Variants in IAPP observed in about 807,000 individuals in gnomAD.
The protein encoded by IAPP is Islet amyloid polypeptide (diabetes-associated peptide; amylin).
Under a neutral mutation model 2.9 loss-of-function variants are expected in IAPP, and 4 were observed. The ratio of observed to expected loss-of-function variants is 1.39; its 90% CI spans 0.69 to 3.19. The LOEUF is 3.19. Ranked by LOEUF, IAPP falls within the 30% of genes most tolerant of loss-of-function variation. IAPP has a pLI of 0.01. For synonymous variants in IAPP, 40 were observed against 42.1 expected (o/e 0.95, Z 0.19); for missense variants, 114 against 105.3 (o/e 1.08, Z -0.36).
At chr12:21,371,037 G>T (rs1170715193), upstream of IAPP, among the ~76,000 whole-genome samples, 1 of 152,244 alleles carries the variant, frequency 6.6e-6, no homozygotes, top group Non-Finnish European at 1.5e-5. Context: ...CCCATATGCA[G>T]AGAGTAGCAG....
Position 21,355,396 on chromosome 12 carries a change from C to T in IAPP, c.-16+383C>T, listed in dbSNP as rs932877538. 4.6e-5 allele frequency among the ~76,000 whole-genome samples: 7 copies of T among 152,194 alleles called. No homozygotes were observed. The East Asian group carries it at 1.4e-3, about 29-fold the overall frequency. On this transcript the variant is annotated intron_variant, in intron 1 of 2. Coordinates refer to the IAPP transcript ENST00000539393. ...TAAGCTCACAGAAAGGAAAAGAAAT[C>T]TCGAAGTGTGAGGGGGTAGGCAATG...
rs189204856 is a variant in IAPP, at chr12:21,375,045, T to C, written c.80+1614T>C. Among the ~76,000 whole-genome samples, 109 of 152,282 alleles carry C rather than the reference T, an allele frequency of 7.2e-4. 1 individual carries two copies. The highest frequency in any genetic ancestry group is 2.6e-3 in the African/African-American group (108 of 41,566). On this transcript the variant is annotated intron_variant, in intron 2 of 2. Transcript: ENST00000240652. ...GATGCCCAGGCTGGTGTCAAACTCC[T>C]GGGCTCAAGCCTTCCTCCTGCCTCA...
intron 2 of IAPP, among the ~76,000 whole-genome samples, chr12:21,376,663 A>T (rs74065061): frequency 0.021 from 2,810 of 134,718 alleles, 100 homozygotes; most frequent in African/African-American, 0.091. Context: ...AGTAAAATTT[A>T]AAAAAAAAAC....
chr12:21,378,145 G>A, intron 2 of IAPP, 92 bp from the exon 3 acceptor site: 1 of 1,194,824 alleles, frequency 8.4e-7, no homozygotes. Context: ...TGTTTCTTTG[G>A]TTTTCATCAA....
At chr12:21,365,448 A>T (rs1027570347) in intron 1 of IAPP, among the ~76,000 whole-genome samples, 1 of 152,214 alleles carries the variant, frequency 6.6e-6, no homozygotes, top group Non-Finnish European at 1.5e-5. Context: ...AAAACCCTAG[A>T]AGAAAACCTA....
intron 2 of IAPP, chr12:21,374,580 C>G (rs1940049060): frequency 6.6e-6 from 1 of 152,062 alleles, no homozygotes; most frequent in Non-Finnish European, 1.5e-5. Flanking sequence ...CATTTCAAGG[C>G]TTATTTAGTT....
upstream of IAPP, among the ~76,000 whole-genome samples, chr12:21,372,254 C>T (rs1437473636): frequency 6.6e-6 from 1 of 152,122 alleles, no homozygotes; most frequent in Admixed American, 6.6e-5. Flanking sequence ...ACCTATGGAT[C>T]TCTATCTAAG....
chr12:21,362,818 C>G (rs546443192), intron 1 of IAPP, among the ~76,000 whole-genome samples: 22 of 152,214 alleles, frequency 1.4e-4, no homozygotes, highest in Middle Eastern at 6.8e-3. Flanking sequence ...ATAATGGTAA[C>G]AGGATCAATT....
Position 21,373,003 on chromosome 12 carries a change from A to C in IAPP, c.-17A>C, listed in dbSNP as rs1301800362. The C allele has an allele frequency of 3.6e-6, 1 of 277,846 alleles. No individual in the cohort carries two copies. Among genetic ancestry groups the C allele is most frequent in the Non-Finnish European group, 6.8e-6 (1 of 146,820 alleles). The allele number at this position is 277,846 out of a possible 1,614,324, so 17.2% of individuals were successfully genotyped here. A position where few individuals can be genotyped will look rare whatever the true frequency, so the allele number is the denominator to read the frequency against. The stretch of plus-strand genomic sequence containing the variant: ...ATATTGCTGACATTGAAACATTAAA[A>C]GGTAAAGAATTTCCTATTTCTGGGA... On this transcript the variant is annotated splice_region_variant and 5_prime_UTR_variant, in exon 1 of 3. Transcript: ENST00000240652.
intron 2 of IAPP, among the ~76,000 whole-genome samples, chr12:21,376,824 T>G (rs1489411707): frequency 2.0e-5 from 3 of 152,076 alleles, no homozygotes; most frequent in African/African-American, 2.4e-5. Context: ...CTCCTGGACA[T>G]TGAGTTTTTA....
chr12:21,373,537 T>A (rs1013739063), intron 2 of IAPP, 106 bp downstream of exon 2: 1 of 806,556 alleles, frequency 1.2e-6, no homozygotes, highest in African/African-American at 1.7e-5. Context: ...GACTATATCA[T>A]ACTTAAGAAC....
At chr12:21,368,841 T>A (rs962813137), upstream of IAPP, among the ~76,000 whole-genome samples, 11 of 152,156 alleles carry the variant, frequency 7.2e-5, no homozygotes, top group African/African-American at 2.7e-4. Flanking sequence ...TAAACTATTT[T>A]ACGATAGTGA....
At chr12:21,371,382 T>C (rs1431095324), upstream of IAPP, among the ~76,000 whole-genome samples, 6 of 148,552 alleles carry the variant, frequency 4.0e-5, no homozygotes, top group East Asian at 7.8e-4. Context: ...GGAAATGCAT[T>C]ATCCTTCCAT....
chr12:21,373,398 C>T lies in IAPP; in HGVS notation c.47C>T (p.Ala16Val), dbSNP rs1591894861. The change falls in exon 2 of 3, where the codon GCA (alanine) becomes GTA (valine). Residue 16 changes from alanine (A) to valine (V), a missense_variant. Ala to Val is a moderately conservative substitution (Grantham distance 64, BLOSUM62 0). Transcript: ENST00000240652. ...GTATTTCTCATTGTGCTCTCTGTTG[C>T]ATTGAACCATCTGAAAGCTACACCC... ...LQVFLIVLSV[A>V]LNHLKATPIE... is the part of the protein sequence containing the mutation. 1 of 1,613,474 alleles carries T rather than the reference C, an allele frequency of 6.2e-7. No individual in the cohort carries two copies. Among genetic ancestry groups the T allele is most frequent in the Non-Finnish European group, 8.5e-7 (1 of 1,179,518 alleles).
chr12:21,363,555 C>T (rs553205565), intron 1 of IAPP, among the ~76,000 whole-genome samples: 382 of 152,192 alleles, frequency 2.5e-3, no homozygotes, highest in African/African-American at 7.3e-3. Flanking sequence ...CAGAGCAGAA[C>T]TGAAGTAGAT....
chr12:21,361,331 T>G (rs1938859573), intron 1 of IAPP, among the ~76,000 whole-genome samples: 1 of 152,196 alleles, frequency 6.6e-6, no homozygotes, highest in African/African-American at 2.4e-5. Flanking sequence ...GTCCTGACTG[T>G]TAGAAGGAAA....
chr12:21,369,214 C>T (rs1424831683), upstream of IAPP, among the ~76,000 whole-genome samples: 1 of 152,108 alleles, frequency 6.6e-6, no homozygotes, highest in Non-Finnish European at 1.5e-5. Context: ...TATATCCTGA[C>T]ACTCATGTTT....
chr12:21,376,397 A>G, intron 2 of IAPP: 1 of 296,812 alleles, frequency 3.4e-6, no homozygotes, highest in South Asian at 2.7e-5. Flanking sequence ...CAAATGTATG[A>G]AATTACTAGT....
upstream of IAPP, among the ~76,000 whole-genome samples, chr12:21,369,552 C>T (rs1025431404): frequency 2.6e-5 from 4 of 152,142 alleles, no homozygotes; most frequent in Non-Finnish European, 4.4e-5. Context: ...TGATAACCAC[C>T]GTAGAGGTGT....
Sources: allele counts gnomAD v4.1 joint callset (sites outside exome capture counted in the v4.1 genomes callset), GRCh38; gene constraint gnomAD v4.1.1; transcripts MANE v1.5; gene names NCBI Gene and HGNC (gene_info 2026-07-23, HGNC 2026-07-21).